The following ANO2 variants were observed in gnomAD, a reference collection of about 807,000 sequenced individuals.
The protein encoded by ANO2 is anoctamin 2.
A neutral mutation model predicts 124.2 loss-of-function variants in ANO2; 101 were observed. That is an observed-to-expected ratio of 0.81 (90% CI 0.69 to 0.96). ANO2 has a LOEUF of 0.96. Ranked by LOEUF, ANO2 falls within the 40% of genes least tolerant of loss-of-function variation. The pLI, the probability that ANO2 is intolerant of heterozygous loss-of-function variation, is 0.00. For missense variants in ANO2, 1,293 were observed against 1,274.5 expected (o/e 1.01, Z -0.22); for synonymous variants, 486 against 482.5 (o/e 1.01, Z -0.09).
chr12:5,877,154 G>A (rs1591728625), intron 3 of ANO2, among the ~76,000 whole-genome samples: 1 of 152,278 alleles, frequency 6.6e-6, no homozygotes, highest in East Asian at 1.9e-4. Flanking sequence ...TTGTTTAGAT[G>A]AGGTCATAGT....
chr12:5,892,841 A>G (rs954278874), intron 3 of ANO2, among the ~76,000 whole-genome samples: 1 of 152,252 alleles, frequency 6.6e-6, no homozygotes, highest in African/African-American at 2.4e-5. Context: ...ATAAAGAACC[A>G]GAAAAATGTT....
intron 7 of ANO2, among the ~76,000 whole-genome samples, chr12:5,818,529 A>G (rs1318843524): frequency 7.4e-6 from 1 of 135,028 alleles, no homozygotes; most frequent in Non-Finnish European, 1.6e-5. Flanking sequence ...ATATCCTATT[A>G]GTTCTGTCCC....
At chr12:5,708,101 A>G (rs958221464) in intron 14 of ANO2, among the ~76,000 whole-genome samples, 1 of 152,040 alleles carries the variant, frequency 6.6e-6, no homozygotes, top group African/African-American at 2.4e-5. Context: ...TAAAATCACT[A>G]CCTACCAGTT....
At chr12:5,732,760 C>G in intron 13 of ANO2, 130 bp from the exon 14 acceptor site, 1 of 1,556,970 alleles carries the variant, frequency 6.4e-7, no homozygotes, top group African/African-American at 1.4e-5. Flanking sequence ...AACTGCCCCA[C>G]CACACACAAT....
chr12:5,713,641 G>A (rs1949901802), intron 14 of ANO2, among the ~76,000 whole-genome samples: 1 of 152,198 alleles, frequency 6.6e-6, no homozygotes, highest in Admixed American at 6.5e-5. Flanking sequence ...AAAGCTGGAC[G>A]ATGACACACG....
At chr12:5,596,419 A>G (rs969623464) in intron 20 of ANO2, among the ~76,000 whole-genome samples, 1 of 152,250 alleles carries the variant, frequency 6.6e-6, no homozygotes, top group Non-Finnish European at 1.5e-5. Context: ...TCTAAGAAAC[A>G]GCACCAAAAT....
In ANO2 at chr12:5,563,563, G is replaced by C. The variant is rs749065299; in HGVS notation, c.2733C>G (p.Leu911=). ...CCACGAGGACGCTCAGGAACATCAC[G>C]AGGTTCTGCAAAAAGCCAAGGAGAG... ...RLAFVIIFQN[L]VMFLSVLVDW... is the part of the protein sequence containing the mutation. The change falls in exon 25 of 25, where the codon CTC becomes CTG. Residue 911 remains leucine (L), a synonymous_variant. Transcript: ENST00000682330. 6.2e-7 allele frequency: 1 copy of C among 1,613,814 alleles called. No homozygotes were observed. Among genetic ancestry groups the C allele is most frequent in the Non-Finnish European group, 8.5e-7 (1 of 1,179,794 alleles).
At chr12:5,605,930 C>T (rs1247013367) in intron 19 of ANO2, among the ~76,000 whole-genome samples, 3 of 152,160 alleles carry the variant, frequency 2.0e-5, no homozygotes, top group Admixed American at 6.5e-5. Flanking sequence ...AAGCATCGGC[C>T]ACAACTGTGT....
chr12:5,943,703 G>T (rs1359937194), intron 1 of ANO2, among the ~76,000 whole-genome samples: 1 of 152,128 alleles, frequency 6.6e-6, no homozygotes, highest in Admixed American at 6.5e-5. Context: ...GGATTATACC[G>T]TGTACTAGAG....
At chr12:5,759,458 GT>G (rs1349616652) in intron 10 of ANO2, among the ~76,000 whole-genome samples, 1 of 151,896 alleles carries the variant, frequency 6.6e-6, no homozygotes, top group Non-Finnish European at 1.5e-5. Context: ...ACTGGTACCT[GT>G]CCATGTCCAG....
At chr12:5,661,896 T>C (rs889595256) in intron 14 of ANO2, among the ~76,000 whole-genome samples, 3 of 152,220 alleles carry the variant, frequency 2.0e-5, no homozygotes, top group African/African-American at 7.2e-5. Context: ...ACAGATTCTC[T>C]GAGAGGAGCT....
chr12:5,647,709 G>A lies in ANO2; in HGVS notation c.1620+18C>T. On this transcript the variant is annotated intron_variant, in intron 15 of 24. Transcript: ENST00000682330. ...ACATGCATGCAGTCACAGGCAAGTG[G>A]TCCCTCAAGGAAATTACCATGAATA... is the stretch of plus-strand genomic sequence containing the variant. The A allele has an allele frequency of 6.3e-7, 1 of 1,593,606 alleles. No homozygotes were observed. The highest frequency in any genetic ancestry group is 8.6e-7 in the Non-Finnish European group (1 of 1,165,608).
At chr12:5,843,229 A>G (rs1205238956) in intron 4 of ANO2, among the ~76,000 whole-genome samples, 3 of 152,150 alleles carry the variant, frequency 2.0e-5, no homozygotes, top group African/African-American at 7.2e-5. Context: ...CCTTCCCACG[A>G]CCGAGGATCT....
intron 13 of ANO2, among the ~76,000 whole-genome samples, chr12:5,738,565 G>A (rs1950967838): frequency 6.6e-6 from 1 of 152,114 alleles, no homozygotes; most frequent in African/African-American, 2.4e-5. Context: ...AGAACAGAGG[G>A]GCTTGCTGAG....
At chr12:5,919,757 G>T (rs2136300889) in intron 3 of ANO2, among the ~76,000 whole-genome samples, 1 of 152,130 alleles carries the variant, frequency 6.6e-6, no homozygotes, top group South Asian at 2.1e-4. Flanking sequence ...GAGTGCAGTG[G>T]CGCGATCTCG....
At chr12:5,580,846 C>T (rs1450530660) in intron 20 of ANO2, among the ~76,000 whole-genome samples, 1 of 152,188 alleles carries the variant, frequency 6.6e-6, no homozygotes, top group African/African-American at 2.4e-5. Context: ...CAGTAGGTTC[C>T]TGCAGGCCCT....
intron 13 of ANO2, chr12:5,733,050 A>T (rs759150761): frequency 1.1e-5 from 8 of 712,218 alleles, no homozygotes; most frequent in Non-Finnish European, 2.0e-5. Flanking sequence ...GCCAACTCCC[A>T]GCTGGAGAAA....
At chr12:5,633,380 G>A (rs570264941) in intron 16 of ANO2, among the ~76,000 whole-genome samples, 48 of 152,200 alleles carry the variant, frequency 3.2e-4, no homozygotes, top group African/African-American at 5.3e-4. Flanking sequence ...CCATGTAGCC[G>A]CTCTCAGTTT....
intron 10 of ANO2, among the ~76,000 whole-genome samples, chr12:5,790,727 T>G (rs1445316581): frequency 1.3e-5 from 2 of 152,156 alleles, no homozygotes; most frequent in African/African-American, 4.8e-5. Flanking sequence ...CCAAGAAGTT[T>G]TCTTTTGTGA....
Sources: allele counts gnomAD v4.1 joint callset (sites outside exome capture counted in the v4.1 genomes callset), GRCh38; gene constraint gnomAD v4.1.1; transcripts MANE v1.5; gene names NCBI Gene and HGNC (gene_info 2026-07-23, HGNC 2026-07-21).